Variants in RANBP17 observed in about 807,000 individuals in gnomAD.
The protein encoded by RANBP17 is ran-binding protein 17.
Under a neutral mutation model 141.2 loss-of-function variants are expected in RANBP17, and 158 were observed. The ratio of observed to expected loss-of-function variants is 1.12; its 90% CI spans 0.98 to 1.28. The LOEUF (loss-of-function observed/expected upper bound fraction) is 1.28. RANBP17 is among the 50% of genes most tolerant of loss of function. The probability of loss-of-function intolerance (pLI) is 0.00; values close to 1 mark genes in which losing one functional copy is unlikely to be tolerated. For missense variants in RANBP17, 1,438 were observed against 1,290.7 expected, an observed-to-expected ratio of 1.11 and a Z score of -1.75; for synonymous variants, 430 against 450.0, an observed-to-expected ratio of 0.96 and a Z score of 0.56.
At chr5:171,245,599 C>T (rs2127999528) in intron 24 of RANBP17, among the ~76,000 whole-genome samples, 1 of 152,306 alleles carries the variant, frequency 6.6e-6, no homozygotes, top group Middle Eastern at 3.4e-3. Context: ...TAGGCATGAG[C>T]CACTGCACCC....
At chr5:171,203,520 CATT>C (rs1250778645) in intron 19 of RANBP17, among the ~76,000 whole-genome samples, 2 of 152,008 alleles carry the variant, frequency 1.3e-5, no homozygotes, top group Non-Finnish European at 2.9e-5. Flanking sequence ...TCATTTAAAA[CATT>C]ATTATATGCT....
intron 16 of RANBP17, among the ~76,000 whole-genome samples, chr5:171,178,009 T>A (rs919375044): frequency 1.3e-5 from 2 of 150,348 alleles, no homozygotes; most frequent in East Asian, 3.9e-4. Flanking sequence ...CCTATTTGGA[T>A]TTTTTATGTG....
rs1421586556 is a variant in RANBP17, at chr5:171,265,463, G to T, written c.2777-218G>T. ...GAGAATCGCTTGAACCCAGGAGGCA[G>T]AGGTTGCAGTGAGCCAAGATCACGC... On this transcript the variant is annotated intron_variant, in intron 24 of 27. Coordinates refer to ENST00000523189, the MANE Select transcript of RANBP17 (RefSeq NM_022897.5). Among the ~76,000 whole-genome samples, 28 of 152,202 alleles carry T rather than the reference G, an allele frequency of 1.8e-4. 1 individual carries two copies. The highest frequency in any genetic ancestry group is 1.8e-3 in the Admixed American group (28 of 15,284).
intron 9 of RANBP17, among the ~76,000 whole-genome samples, chr5:170,917,359 G>A (rs1258208902): frequency 6.6e-6 from 1 of 152,112 alleles, no homozygotes; most frequent in Non-Finnish European, 1.5e-5. Flanking sequence ...TAACTTTAGA[G>A]CTTCATTGCC....
chr5:170,933,091 C>T (rs1773540579), intron 12 of RANBP17, among the ~76,000 whole-genome samples: 1 of 152,092 alleles, frequency 6.6e-6, no homozygotes, highest in African/African-American at 2.4e-5. Context: ...ATTTCAGAAC[C>T]TGTTATTGGT....
intron 14 of RANBP17, among the ~76,000 whole-genome samples, chr5:171,027,956 A>G (rs1433663899): frequency 2.6e-5 from 4 of 152,020 alleles, no homozygotes; most frequent in East Asian, 3.8e-4. Flanking sequence ...TTAGCTTTTC[A>G]TATCATCTCA....
chr5:170,940,516 C>CCAAG (rs1774240444), intron 12 of RANBP17, among the ~76,000 whole-genome samples: 1 of 152,000 alleles, frequency 6.6e-6, no homozygotes. Context: ...ACTTCTGGTC[C>CCAAG]CAAGTATTTC....
intron 14 of RANBP17, among the ~76,000 whole-genome samples, chr5:170,986,016 A>G (rs1381096749): frequency 6.6e-6 from 1 of 152,122 alleles, no homozygotes; most frequent in Admixed American, 6.6e-5. Context: ...GAGGGAGTGA[A>G]AACAGAATAG....
rs116139184 is a variant in RANBP17, at chr5:171,075,638, G to T, written c.1711-94492G>T. On this transcript the variant is annotated intron_variant, in intron 14 of 27. Transcript: ENST00000523189. ...TGTGGTGACAGTTGCACAACTCTGT[G>T]AATATACTAAAAGTCACTGAATAAA... 5.4e-3 allele frequency among the ~76,000 whole-genome samples: 819 copies of T among 152,232 alleles called. 12 individuals are homozygous for T. Among genetic ancestry groups the T allele is most frequent in the African/African-American group, 0.019 (792 of 41,528 alleles).
At chr5:171,137,718 T>C (rs1188149712) in intron 14 of RANBP17, among the ~76,000 whole-genome samples, 2 of 151,954 alleles carry the variant, frequency 1.3e-5, no homozygotes, top group Non-Finnish European at 1.5e-5. Flanking sequence ...CAATTTATGG[T>C]TCAACTGTAT....
At chr5:171,041,441 C>A (rs2127635261) in intron 14 of RANBP17, among the ~76,000 whole-genome samples, 1 of 152,120 alleles carries the variant, frequency 6.6e-6, no homozygotes. Context: ...CCTGTAATAT[C>A]CTAGTTGAAA....
At chr5:170,978,709 G>C (rs1777556489) in intron 14 of RANBP17, among the ~76,000 whole-genome samples, 1 of 152,160 alleles carries the variant, frequency 6.6e-6, no homozygotes, top group African/African-American at 2.4e-5. Context: ...TGGGTAGGGA[G>C]AATATTTTGA....
At chr5:171,072,633 G>A (rs544811236) in intron 14 of RANBP17, among the ~76,000 whole-genome samples, 1 of 152,204 alleles carries the variant, frequency 6.6e-6, no homozygotes, top group African/African-American at 2.4e-5. Flanking sequence ...ATAAATAATG[G>A]CAAGGATCTG....
At chr5:171,068,569 T>TTTGTTGTTGTTGTTG (rs35125398) in intron 14 of RANBP17, among the ~76,000 whole-genome samples, 57 of 149,042 alleles carry the variant, frequency 3.8e-4, no homozygotes, top group African/African-American at 7.6e-4. Flanking sequence ...TTACTTTCCT[T>TTTGTTGTTGTTGTTG]TTGTTGTTGT....
At position 171,299,739 on chromosome 5, in the gene RANBP17, G is replaced by A. The variant is rs1259456869; in HGVS notation, c.*881G>A. On this transcript the variant is annotated 3_prime_UTR_variant, in exon 28 of 28. Transcript: ENST00000523189. ...GATTTTCAGAGGATGAGAAATAGCT[G>A]GTTTCCAACTCTCCACAAAAACTCT... The A allele has an allele frequency of 8.8e-6, 2 of 226,370 alleles. No individual in the cohort carries two copies. Among genetic ancestry groups the A allele is most frequent in the African/African-American group, 4.4e-5 (2 of 44,944 alleles). The allele number at this position is 226,370 out of a possible 1,614,324, so 14.0% of individuals were successfully genotyped here.
rs1760326754 is a variant in RANBP17 at position 171,174,759 on chromosome 5, T to A, written c.1865+3473T>A. ...AAACTAAAAATATCTAGAGTGTGTG[T>A]GTGTGTGTGTGTGTGTGTGTGTGTG... On this transcript the variant is annotated intron_variant, in intron 16 of 27. Transcript: ENST00000523189. Among the ~76,000 whole-genome samples, 13 of 147,838 alleles carry A rather than the reference T, an allele frequency of 8.8e-5. 1 individual carries two copies. In the South Asian group the frequency reaches 2.8e-3, roughly 32 times the overall value.
At chr5:171,157,831 A>G (rs2127847835) in intron 14 of RANBP17, among the ~76,000 whole-genome samples, 1 of 152,370 alleles carries the variant, frequency 6.6e-6, no homozygotes, top group Middle Eastern at 3.4e-3. Context: ...TCAACATATT[A>G]TCCTAAGGAT....
chr5:171,215,860 G>A (rs978017319), intron 21 of RANBP17, among the ~76,000 whole-genome samples: 19 of 152,112 alleles, frequency 1.2e-4, no homozygotes, highest in African/African-American at 4.6e-4. Context: ...TAGGTTGCCT[G>A]TTCACTCTGA....
At chr5:171,232,952 G>A (rs983538430) in intron 22 of RANBP17, among the ~76,000 whole-genome samples, 7 of 152,100 alleles carry the variant, frequency 4.6e-5, no homozygotes, top group Non-Finnish European at 8.8e-5. Context: ...GTGAGTTTCA[G>A]TCATTCATTC....
Sources: allele counts gnomAD v4.1 joint callset (sites outside exome capture counted in the v4.1 genomes callset), GRCh38; gene constraint gnomAD v4.1.1; transcripts MANE v1.5; gene names NCBI Gene and HGNC (gene_info 2026-07-23, HGNC 2026-07-21).